Variants in TENM3 observed in about 807,000 individuals in gnomAD.
The protein encoded by TENM3 is teneurin-3.
Under a neutral mutation model 255.1 loss-of-function variants are expected in TENM3, and 63 were observed. That is an observed-to-expected ratio of 0.25 (90% CI 0.20 to 0.30). The LOEUF is 0.30. Ranked by LOEUF, TENM3 falls within the 10% of genes least tolerant of loss-of-function variation. The pLI is 1.00. For missense variants in TENM3, 2,929 were observed against 3,461.1 expected (o/e 0.85, Z 3.86); for synonymous variants, 1,306 against 1,322.3 (o/e 0.99, Z 0.27).
chr4:181,721,248 G>A, the TENM3 span, among the ~76,000 whole-genome samples: 1 of 151,876 alleles, frequency 6.6e-6, no homozygotes, highest in Non-Finnish European at 1.5e-5. Context: ...GCAAGGTCAA[G>A]GTAGAGTTGT....
chr4:181,957,282 G>C, the TENM3 span, among the ~76,000 whole-genome samples: 1 of 152,114 alleles, frequency 6.6e-6, no homozygotes, highest in African/African-American at 2.4e-5. Flanking sequence ...CATGCTCATG[G>C]ACCACGGCCA....
the TENM3 span, among the ~76,000 whole-genome samples, chr4:181,995,252 T>A: frequency 6.6e-6 from 1 of 151,078 alleles, no homozygotes; most frequent in Non-Finnish European, 1.5e-5. Context: ...ATCGCACCAC[T>A]GCACTCCAGC....
chr4:182,447,408 A>G (rs578230484), intron 3 of TENM3, among the ~76,000 whole-genome samples: 65 of 152,370 alleles, frequency 4.3e-4, no homozygotes, highest in Non-Finnish European at 8.4e-4. Context: ...GAAGAGCTGT[A>G]TTCATATTCT....
At chr4:181,733,599 T>C in the TENM3 span, among the ~76,000 whole-genome samples, 1 of 152,154 alleles carries the variant, frequency 6.6e-6, no homozygotes. Context: ...GGGCATCACT[T>C]GTTTGAATGA....
intron 13 of TENM3, among the ~76,000 whole-genome samples, chr4:182,726,225 A>G (rs997808575): frequency 3.3e-5 from 5 of 152,142 alleles, no homozygotes; most frequent in African/African-American, 1.2e-4. Flanking sequence ...CCCCAACTAC[A>G]AAGGAAATAG....
intron 3 of TENM3, among the ~76,000 whole-genome samples, chr4:182,410,355 G>T (rs961193554): frequency 7.2e-5 from 11 of 152,268 alleles, no homozygotes; most frequent in African/African-American, 2.2e-4. Context: ...CTAGAGGCTT[G>T]TGTGGTCCTG....
At chr4:182,160,731 G>C (rs948236975) in intron 1 of TENM3, among the ~76,000 whole-genome samples, 2 of 152,180 alleles carry the variant, frequency 1.3e-5, no homozygotes, top group Non-Finnish European at 2.9e-5. Context: ...GTTTCATTTA[G>C]ATGTGGGAAT....
At chr4:181,952,972 C>T in the TENM3 span, among the ~76,000 whole-genome samples, 1 of 152,202 alleles carries the variant, frequency 6.6e-6, no homozygotes, top group Non-Finnish European at 1.5e-5. Flanking sequence ...GTGGCCATGG[C>T]CCCACGGGGG....
chr4:182,473,402 C>G (rs7697821), intron 3 of TENM3, among the ~76,000 whole-genome samples: 78,690 of 152,108 alleles, frequency 0.52, 21,317 homozygotes, highest in East Asian at 0.74. Context: ...GGCCGGGTGC[C>G]GTGGCTCATG....
the TENM3 span, among the ~76,000 whole-genome samples, chr4:182,010,010 G>A: frequency 6.6e-6 from 1 of 152,100 alleles, no homozygotes; most frequent in Non-Finnish European, 1.5e-5. Context: ...CCTTCTCTCC[G>A]TGGGTCCCGC....
At chr4:181,578,494 A>G in the TENM3 span, among the ~76,000 whole-genome samples, 12 of 152,262 alleles carry the variant, frequency 7.9e-5, no homozygotes, top group Non-Finnish European at 1.2e-4. Flanking sequence ...GCTTCTGTCC[A>G]CTGCCCGCTG....
At chr4:182,527,162 A>G (rs1739286379) in intron 3 of TENM3, among the ~76,000 whole-genome samples, 1 of 152,254 alleles carries the variant, frequency 6.6e-6, no homozygotes, top group South Asian at 2.1e-4. Flanking sequence ...GAGGTAATAC[A>G]GTCAAATAAA....
chr4:182,379,888 CTT>C (rs1042373094), intron 3 of TENM3, among the ~76,000 whole-genome samples: 31 of 152,276 alleles, frequency 2.0e-4, no homozygotes, highest in African/African-American at 7.0e-4. Flanking sequence ...GCAGAGATAA[CTT>C]TATTGATCAA....
chr4:181,724,160 C>T, the TENM3 span, among the ~76,000 whole-genome samples: 1 of 152,200 alleles, frequency 6.6e-6, no homozygotes, highest in African/African-American at 2.4e-5. Context: ...TTAGAGAACC[C>T]ACAAAAGAAC....
the TENM3 span, among the ~76,000 whole-genome samples, chr4:181,781,108 C>G: frequency 7.9e-5 from 12 of 152,194 alleles, no homozygotes; most frequent in African/African-American, 2.9e-4. Context: ...AATGCGGGCT[C>G]TTTTTTGGTT....
intron 2 of TENM3, among the ~76,000 whole-genome samples, chr4:182,345,035 A>G (rs1764718220): frequency 1.3e-5 from 2 of 152,060 alleles, no homozygotes; most frequent in African/African-American, 4.8e-5. Flanking sequence ...CTTTTGACAT[A>G]CTTTTTGGTT....
the TENM3 span, among the ~76,000 whole-genome samples, chr4:182,021,882 CA>C: frequency 5.3e-5 from 8 of 152,082 alleles, 1 homozygote; most frequent in South Asian, 2.1e-4. Flanking sequence ...TATTAAAAGT[CA>C]AAAAATAACA....
At chr4:181,724,467 T>C in the TENM3 span, among the ~76,000 whole-genome samples, 1 of 152,238 alleles carries the variant, frequency 6.6e-6, no homozygotes, top group Admixed American at 6.5e-5. Context: ...TTTTCATTTC[T>C]GCCATCATAT....
the TENM3 span, among the ~76,000 whole-genome samples, chr4:181,697,257 G>A: frequency 6.6e-6 from 1 of 152,182 alleles, no homozygotes; most frequent in African/African-American, 2.4e-5. Flanking sequence ...GTTCTGTGGA[G>A]GGGACACGGG....
Sources: allele counts gnomAD v4.1 joint callset (sites outside exome capture counted in the v4.1 genomes callset), GRCh38; gene constraint gnomAD v4.1.1; transcripts MANE v1.5; gene names NCBI Gene and HGNC (gene_info 2026-07-23, HGNC 2026-07-21).